The following RERE variants were observed in gnomAD, a reference collection of about 807,000 sequenced individuals.
RERE encodes the protein arginine-glutamic acid dipeptide repeats.
Under a neutral mutation model 146.1 loss-of-function variants are expected in RERE, and 40 were observed. The observed-to-expected ratio is 0.27, with a 90% CI of 0.21 to 0.36. RERE has a LOEUF of 0.36. RERE is among the 10% of genes least tolerant of loss of function. RERE has a pLI of 1.00. For synonymous variants in RERE, 1,003 were observed against 866.0 expected (o/e 1.16, Z -2.78); for missense variants, 1,933 against 2,138.7 (o/e 0.90, Z 1.90).
chr1:8,698,449 G>T (rs1310679288), intron 1 of RERE, among the ~76,000 whole-genome samples: 2 of 152,108 alleles, frequency 1.3e-5, no homozygotes, highest in African/African-American at 4.8e-5. Flanking sequence ...CACACCATCT[G>T]GAGGCTTTTG....
intron 6 of RERE, among the ~76,000 whole-genome samples, chr1:8,551,956 T>C (rs771678634): frequency 3.9e-5 from 6 of 152,334 alleles, no homozygotes; most frequent in Non-Finnish European, 8.8e-5. Context: ...CTTTACTCTA[T>C]GGTGGTTATG....
At chr1:8,579,557 T>A (rs957653683) in intron 4 of RERE, among the ~76,000 whole-genome samples, 1 of 152,216 alleles carries the variant, frequency 6.6e-6, no homozygotes, top group Non-Finnish European at 1.5e-5. Flanking sequence ...GAAGAAAAGA[T>A]AGTGGAACCA....
chr1:8,741,898 A>G (rs1236899994), intron 1 of RERE, among the ~76,000 whole-genome samples: 3 of 152,212 alleles, frequency 2.0e-5, no homozygotes, highest in African/African-American at 7.2e-5. Context: ...AACTCTAAGG[A>G]TAAGGAGACA....
At chr1:8,612,651 G>C (rs1231096616) in intron 4 of RERE, among the ~76,000 whole-genome samples, 3 of 152,134 alleles carry the variant, frequency 2.0e-5, no homozygotes, top group African/African-American at 7.2e-5. Flanking sequence ...AATTCCTGTT[G>C]AGTATTACAG....
intron 1 of RERE, among the ~76,000 whole-genome samples, chr1:8,782,772 A>G (rs1641188387): frequency 6.6e-6 from 1 of 152,092 alleles, no homozygotes; most frequent in South Asian, 2.1e-4. Context: ...TGGATGTGGT[A>G]GCAGGCACCT....
intron 10 of RERE, among the ~76,000 whole-genome samples, chr1:8,480,662 C>G (rs1224788774): frequency 6.6e-6 from 1 of 150,376 alleles, no homozygotes; most frequent in Non-Finnish European, 1.5e-5. Context: ...TCTTGAACTC[C>G]TGACCTAAGG....
chr1:8,565,507 G>A (rs142341175), intron 4 of RERE, among the ~76,000 whole-genome samples: 33 of 152,306 alleles, frequency 2.2e-4, no homozygotes, highest in African/African-American at 7.5e-4. Context: ...AGGAGTTCAT[G>A]ACCAGCCTGG....
At chr1:8,534,105 G>A (rs879562160) in intron 7 of RERE, among the ~76,000 whole-genome samples, 5 of 152,198 alleles carry the variant, frequency 3.3e-5, no homozygotes, top group Non-Finnish European at 7.3e-5. Context: ...AAGACCACGA[G>A]CTGTGGTGAG....
intron 4 of RERE, among the ~76,000 whole-genome samples, chr1:8,602,688 A>G (rs887293264): frequency 1.3e-5 from 2 of 152,220 alleles, no homozygotes; most frequent in Admixed American, 6.5e-5. Flanking sequence ...TTAAAAAACA[A>G]AAACAAAACC....
intron 4 of RERE, among the ~76,000 whole-genome samples, chr1:8,600,218 G>A (rs1417468158): frequency 2.0e-5 from 3 of 152,140 alleles, no homozygotes; most frequent in Admixed American, 2.0e-4. Flanking sequence ...ACATGGAACT[G>A]TGAGAGTCCA....
intron 2 of RERE, among the ~76,000 whole-genome samples, chr1:8,638,783 A>ATTTTTTTTT (rs34276909): frequency 3.0e-4 from 30 of 100,328 alleles, no homozygotes; most frequent in African/African-American, 1.2e-3. Context: ...ACGAAAAAAA[A>ATTTTTTTTT]TTTTTTTTTT....
chr1:8,570,352 TA>T (rs1463257377), intron 4 of RERE, among the ~76,000 whole-genome samples: 4 of 151,794 alleles, frequency 2.6e-5, no homozygotes, highest in Admixed American at 2.0e-4. Flanking sequence ...ATAATAAAAA[TA>T]AAAAAATAAA....
Position 8,606,550 on chromosome 1 carries a change from T to A in RERE, c.522+8011A>T, listed in dbSNP as rs1646711346. Among the ~76,000 whole-genome samples the A allele has an allele frequency of 2.6e-5, 4 of 152,328 alleles. No homozygotes were observed. The South Asian group carries it at 8.3e-4, about 32-fold the overall frequency. On this transcript the variant is annotated intron_variant, in intron 4 of 22. Coordinates refer to ENST00000400908, the MANE Select transcript of RERE (RefSeq NM_001042681.2). ...TTTGGTTACTTCAGCTATTAAGTTT[T>A]AATCAAGCTAAAAAATAGGCCTTTT... is the stretch of plus-strand genomic sequence containing the variant.
chr1:8,448,600 C>CA (rs1300612534), intron 11 of RERE, among the ~76,000 whole-genome samples: 1 of 151,976 alleles, frequency 6.6e-6, no homozygotes, highest in African/African-American at 2.4e-5. Context: ...CTACTAAAAA[C>CA]ATAAAAATTA....
intron 1 of RERE, among the ~76,000 whole-genome samples, chr1:8,667,014 G>C (rs1216250631): frequency 9.2e-5 from 14 of 152,230 alleles, no homozygotes; most frequent in Non-Finnish European, 2.1e-4. Context: ...AGCAGCCTTT[G>C]TGGTATCAGA....
chr1:8,559,280 C>CAAAAA (rs548075266), intron 4 of RERE, among the ~76,000 whole-genome samples: 280 of 12,038 alleles, frequency 0.023, 34 homozygotes, highest in African/African-American at 0.061. Flanking sequence ...AACTCCAGCT[C>CAAAAA]AAAAAAAAAA....
intron 10 of RERE, among the ~76,000 whole-genome samples, chr1:8,486,755 T>TAAAAAAAAAAAAAAA (rs33956517): frequency 2.5e-5 from 3 of 122,334 alleles, no homozygotes; most frequent in Admixed American, 8.5e-5. Context: ...GAGTCCATCT[T>TAAAAAAAAAAAAAAA]AAAAAAAAAA....
At chr1:8,811,084 C>T (rs901730751) in intron 1 of RERE, among the ~76,000 whole-genome samples, 8 of 152,202 alleles carry the variant, frequency 5.3e-5, no homozygotes, top group Admixed American at 3.9e-4. Context: ...AGCCGCCAGG[C>T]GCAGTGGCTC....
At chr1:8,766,799 A>T (rs1354730201) in intron 1 of RERE, among the ~76,000 whole-genome samples, 1 of 152,192 alleles carries the variant, frequency 6.6e-6, no homozygotes, top group Non-Finnish European at 1.5e-5. Flanking sequence ...GTGAAATTTA[A>T]TTATATTTAC....
Sources: gnomAD v4.1 joint callset for allele counts (sites outside exome capture counted in the v4.1 genomes callset) on GRCh38, gnomAD v4.1.1 for gene constraint, MANE v1.5 for transcripts, NCBI Gene and HGNC (gene_info 2026-07-23, HGNC 2026-07-21) for gene names.